Variants in ZNRF2 observed in about 807,000 individuals in gnomAD.
ZNRF2 encodes E3 ubiquitin-protein ligase ZNRF2.
Under a neutral mutation model 20.4 loss-of-function variants are expected in ZNRF2, and 16 were observed. The ratio of observed to expected loss-of-function variants is 0.79; its 90% confidence interval spans 0.53 to 1.19. The LOEUF (loss-of-function observed/expected upper bound fraction) is 1.19. Ranked by LOEUF, ZNRF2 falls within the 50% of genes most tolerant of loss-of-function variation. The probability of loss-of-function intolerance (pLI) is 0.00; values close to 1 mark genes in which losing one functional copy is unlikely to be tolerated. For synonymous variants in ZNRF2, 178 were observed against 144.9 expected (o/e 1.23, Z -1.64); for missense variants, 363 against 332.4 (o/e 1.09, Z -0.72).
At chr7:30,316,288 CAA>C (rs60218988) in intron 1 of ZNRF2, among the ~76,000 whole-genome samples, 278 of 27,376 alleles carry the variant, frequency 0.01, no homozygotes, top group African/African-American at 0.02. Context: ...AACTCCATCT[CAA>C]AAAAAAAAAA....
At chr7:30,302,767 T>C (rs1799139067) in intron 1 of ZNRF2, among the ~76,000 whole-genome samples, 1 of 152,138 alleles carries the variant, frequency 6.6e-6, no homozygotes, top group Non-Finnish European at 1.5e-5. Context: ...AATTGCTCCT[T>C]CTCCCATGCT....
intron 1 of ZNRF2, among the ~76,000 whole-genome samples, chr7:30,287,719 C>CT (rs1798817608): frequency 2.0e-5 from 3 of 151,658 alleles, no homozygotes; most frequent in Admixed American, 1.3e-4. Context: ...TACAGTGACA[C>CT]TTTCTGAGGA....
rs913553039 is a variant in ZNRF2 at position 30,285,589 on chromosome 7, C to G, written c.232C>G (p.Pro78Ala). 2 of 1,087,366 alleles carry G rather than the reference C, an allele frequency of 1.8e-6. No individual in the cohort carries two copies. Among genetic ancestry groups the G allele is most frequent in the Non-Finnish European group, 2.2e-6 (2 of 896,584 alleles). 67.4% of individuals were successfully genotyped at this position (1,087,366 alleles called of 1,614,324 possible). A position where few individuals can be genotyped will look rare whatever the true frequency, so the allele number is the denominator to read the frequency against. ...GGCGGCCCCGGCAGCCCCGGCGGCC[C>G]CGCGCAGCCGCTCCCTCGGCGGGGC... The part of the protein sequence containing the change: ...AAAAPAAPAA[P>A]RSRSLGGAVG... Residue 78 changes from proline (P) to alanine (A), a missense_variant, in exon 1 of 5, where the codon CCG (proline) becomes GCG (alanine). Pro to Ala is a conservative substitution (Grantham distance 27). Around this residue, in one of 2 missense-constraint regions of ZNRF2, gnomAD observed 302 missense variants for 231.5 expected, o/e 1.30. Transcript: ENST00000323037.
intron 1 of ZNRF2, among the ~76,000 whole-genome samples, chr7:30,291,336 A>G (rs1798906721): frequency 6.6e-6 from 1 of 152,258 alleles, no homozygotes; most frequent in African/African-American, 2.4e-5. Context: ...GCCATTGGGC[A>G]CAATTAACAC....
At chr7:30,316,483 G>A (rs183783904) in intron 1 of ZNRF2, among the ~76,000 whole-genome samples, 1 of 152,138 alleles carries the variant, frequency 6.6e-6, no homozygotes, top group East Asian at 1.9e-4. Flanking sequence ...GGATTTATCA[G>A]AGGATTAATT....
Position 30,285,264 on chromosome 7 carries a change from G to C in ZNRF2, c.-94G>C, listed in dbSNP as rs1302083239. 1.1e-6 allele frequency: 1 copy of C among 933,238 alleles called. No individual in the cohort carries two copies. The highest frequency in any genetic ancestry group is 1.3e-6 in the Non-Finnish European group (1 of 768,472). 57.8% of individuals were successfully genotyped at this position (933,238 alleles called of 1,614,324 possible). A position where few individuals can be genotyped will look rare whatever the true frequency, so the allele number is the denominator to read the frequency against. On this transcript the variant is annotated 5_prime_UTR_variant, in exon 1 of 5. Coordinates refer to ENST00000323037, the MANE Select transcript of ZNRF2 (RefSeq NM_147128.4). ...GCGGGGGCCTCTCTGGGCCGGCCGC[G>C]GCGCCTGGGCCCTGCCCTCTAGCTC...
intron 2 of ZNRF2, among the ~76,000 whole-genome samples, chr7:30,334,481 G>C (rs957399318): frequency 2.6e-5 from 4 of 152,060 alleles, no homozygotes; most frequent in Non-Finnish European, 5.9e-5. Flanking sequence ...ATTTCTTTTG[G>C]TTCCATATGA....
At chr7:30,365,526 T>C (rs1220237902) in intron 4 of ZNRF2, among the ~76,000 whole-genome samples, 1 of 152,174 alleles carries the variant, frequency 6.6e-6, no homozygotes, top group Non-Finnish European at 1.5e-5. Context: ...TCTTGACTTG[T>C]ACATTTTTGC....
intron 2 of ZNRF2, among the ~76,000 whole-genome samples, chr7:30,332,838 C>T (rs761605895): frequency 6.6e-6 from 1 of 152,064 alleles, no homozygotes; most frequent in African/African-American, 2.4e-5. Context: ...AGTAAACATA[C>T]GAGTGCAGGT....
intron 2 of ZNRF2, among the ~76,000 whole-genome samples, chr7:30,327,071 A>G (rs1799564415): frequency 6.6e-6 from 1 of 152,172 alleles, no homozygotes; most frequent in East Asian, 1.9e-4. Context: ...ATTTTCTCCC[A>G]TTCTGTAGGT....
chr7:30,302,402 G>C (rs1420066682), intron 1 of ZNRF2, among the ~76,000 whole-genome samples: 1 of 152,200 alleles, frequency 6.6e-6, no homozygotes, highest in South Asian at 2.1e-4. Context: ...TGTTGCAATA[G>C]GTTAGGGAGG....
In ZNRF2 at chr7:30,366,959, A is replaced by T. The variant is rs897412718; in HGVS notation, c.*947A>T. 3.9e-5 allele frequency: 6 copies of T among 152,528 alleles called. No homozygotes were observed. Among genetic ancestry groups the T allele is most frequent in the Admixed American group, 1.3e-4 (2 of 15,254 alleles). 9.4% of individuals were successfully genotyped at this position (152,528 alleles called of 1,614,324 possible). A position where few individuals can be genotyped will look rare whatever the true frequency, so the allele number is the denominator to read the frequency against. ...CTTTGCATCTCCAGGCAGTTCTCTC[A>T]CATTTGGGTAAAATGTTTAGCAGGC... On this transcript the variant is annotated 3_prime_UTR_variant, in exon 5 of 5. Transcript: ENST00000323037.
At chr7:30,326,811 C>G (rs1175813594) in intron 2 of ZNRF2, among the ~76,000 whole-genome samples, 1 of 151,728 alleles carries the variant, frequency 6.6e-6, no homozygotes, top group South Asian at 2.1e-4. Flanking sequence ...TTTTTTTTGA[C>G]TTTTTAATAA....
chr7:30,285,777 C>T lies in ZNRF2; in HGVS notation c.420C>T (p.Arg140=). The T allele has an allele frequency of 6.7e-7, 1 of 1,501,670 alleles. No individual in the cohort carries two copies. The highest frequency in any genetic ancestry group is 8.8e-7 in the Non-Finnish European group (1 of 1,133,464). The allele number at this position is 1,501,670 out of a possible 1,614,324, so 93.0% of individuals were successfully genotyped here. ...TGGGCGGGAGCCCCGGCGGGCCGCGCCTGGTGATCGGCTCCTTACCAGCTC... is the reference window on the plus strand; with the variant it reads ...TGGGCGGGAGCCCCGGCGGGCCGCGTCTGGTGATCGGCTCCTTACCAGCTC... The part of the protein sequence containing the change: ...RPVGGSPGGP[R]LVIGSLPAHL... The change falls in exon 1 of 5, where the codon CGC becomes CGT. Residue 140 remains arginine (R), a synonymous_variant. Transcript: ENST00000323037.
rs753579908 is a variant in ZNRF2, at chr7:30,289,854, T to C, written c.469+4028T>C. On this transcript the variant is annotated intron_variant, in intron 1 of 4. Coordinates refer to ENST00000323037, the MANE Select transcript of ZNRF2 (RefSeq NM_147128.4). ...TAAGAGCCCTGTTGTTGTAAGATAG[T>C]GTCTTACTCCCTCAGGCACATCTCC... The C allele has an allele frequency of 5.6e-6, 3 of 534,462 alleles. No homozygotes were observed. In the Admixed American group the frequency reaches 5.8e-5, roughly 10 times the overall value. 33.1% of individuals were successfully genotyped at this position (534,462 alleles called of 1,614,324 possible). A position where few individuals can be genotyped will look rare whatever the true frequency, so the allele number is the denominator to read the frequency against.
chr7:30,290,176 A>G (rs1798875650), intron 1 of ZNRF2, among the ~76,000 whole-genome samples: 1 of 152,224 alleles, frequency 6.6e-6, no homozygotes, highest in South Asian at 2.1e-4. Context: ...TCTGTGTTTT[A>G]ATTTTGCATG....
intron 3 of ZNRF2, among the ~76,000 whole-genome samples, chr7:30,361,467 A>T (rs1437843964): frequency 3.9e-5 from 6 of 152,240 alleles, no homozygotes; most frequent in East Asian, 3.8e-4. Flanking sequence ...GCTTTGCGGC[A>T]TATGCAAATT....
intron 3 of ZNRF2, among the ~76,000 whole-genome samples, chr7:30,359,332 T>G (rs1562622861): frequency 6.6e-6 from 1 of 152,170 alleles, no homozygotes; most frequent in Admixed American, 6.6e-5. Flanking sequence ...AGCAAAAAAG[T>G]AAAAAACTAG....
intron 1 of ZNRF2, among the ~76,000 whole-genome samples, chr7:30,300,271 C>T (rs910816799): frequency 7.9e-5 from 12 of 151,488 alleles, no homozygotes. Context: ...GCCTCAGCCT[C>T]CCAAGTAGCT....
Sources: allele counts gnomAD v4.1 joint callset (sites outside exome capture counted in the v4.1 genomes callset), GRCh38; gene constraint gnomAD v4.1.1; regional missense constraint gnomAD v4.1.1; transcripts MANE v1.5; gene names NCBI Gene and HGNC (gene_info 2026-07-23, HGNC 2026-07-21).